The following PCTP variants were observed in gnomAD, a reference collection of about 807,000 sequenced individuals.
PCTP encodes the protein START domain-containing protein 2.
Under a neutral mutation model 31.0 loss-of-function variants are expected in PCTP, and 27 were observed. The ratio of observed to expected loss-of-function variants is 0.87; its 90% CI spans 0.64 to 1.20. The LOEUF is 1.20. Among genes scored for constraint, PCTP ranks in the 50% most tolerant of loss-of-function variants. The pLI is 0.00. For synonymous variants in PCTP, 108 were observed against 101.2 expected (o/e 1.07, Z -0.40); for missense variants, 287 against 268.2 (o/e 1.07, Z -0.49).
chr17:55,791,879 C>T (rs1911996357), intron 3 of PCTP, among the ~76,000 whole-genome samples: 1 of 152,004 alleles, frequency 6.6e-6, no homozygotes, highest in Non-Finnish European at 1.5e-5. Context: ...TGGCATTATT[C>T]ACAATAGCAA....
intron 3 of PCTP, among the ~76,000 whole-genome samples, chr17:55,814,100 C>T (rs149520120): frequency 6.9e-4 from 105 of 151,856 alleles, no homozygotes; most frequent in Non-Finnish European, 1.3e-3. Flanking sequence ...TTCAATGCGT[C>T]GATTACAAAG....
chr17:55,783,478 T>C (rs1042414107), intron 2 of PCTP, among the ~76,000 whole-genome samples: 3 of 152,170 alleles, frequency 2.0e-5, no homozygotes, highest in African/African-American at 4.8e-5. Flanking sequence ...AATTCCTCTC[T>C]AGTGGTTCAT....
intron 5 of PCTP, among the ~76,000 whole-genome samples, chr17:55,830,071 T>G (rs986919662): frequency 6.6e-6 from 1 of 152,190 alleles, no homozygotes; most frequent in African/African-American, 2.4e-5. Flanking sequence ...GATGAGAATT[T>G]GTAATGAGCA....
intron 1 of PCTP, among the ~76,000 whole-genome samples, chr17:55,761,958 G>A (rs766224517): frequency 1.1e-4 from 17 of 152,122 alleles, no homozygotes; most frequent in Non-Finnish European, 2.2e-4. Context: ...GTATTCAAAT[G>A]GATTATTTCA....
chr17:55,842,499 A>G (rs1906015588), intron 5 of PCTP, among the ~76,000 whole-genome samples: 1 of 152,188 alleles, frequency 6.6e-6, no homozygotes, highest in African/African-American at 2.4e-5. Context: ...AGAGACTGCA[A>G]AGAGCCAGGC....
chr17:55,817,765 C>T, intron 3 of PCTP, among the ~76,000 whole-genome samples: 1 of 152,168 alleles, frequency 6.6e-6, no homozygotes, highest in Admixed American at 6.5e-5. Flanking sequence ...AATGTCGCAC[C>T]TTTTAATCTA....
chr17:55,848,164 C>T, the PCTP span, among the ~76,000 whole-genome samples: 106 of 152,240 alleles, frequency 7.0e-4, 2 homozygotes, highest in Middle Eastern at 0.034. Flanking sequence ...ACCTCCTCAG[C>T]CTCCCCAGTT....
intron 2 of PCTP, among the ~76,000 whole-genome samples, chr17:55,785,427 G>C (rs1567720904): frequency 6.6e-6 from 1 of 152,238 alleles, no homozygotes; most frequent in Non-Finnish European, 1.5e-5. Flanking sequence ...TGTGAGACAG[G>C]CTAAGCCAGA....
Position 55,771,252 on chromosome 17 carries a change from T to C in PCTP, c.339+67T>C. 5 of 1,219,938 alleles carry C rather than the reference T, an allele frequency of 4.1e-6. No individual in the cohort carries two copies. The South Asian group carries it at 6.1e-5, about 15-fold the overall frequency. 75.6% of individuals were successfully genotyped at this position (1,219,938 alleles called of 1,614,324 possible). On this transcript the variant is annotated intron_variant, in intron 3 of 5. Coordinates refer to ENST00000268896, the MANE Select transcript of PCTP (RefSeq NM_021213.4). ...GTTTCTGTGTTCCTCAGCTGCAGTC[T>C]ATTGCAGAGAGGTAGAGCTGGTTTC...
intron 1 of PCTP, 41 bp from the exon 2 acceptor site, chr17:55,767,294 T>C: frequency 7.8e-7 from 1 of 1,283,122 alleles, no homozygotes; most frequent in South Asian, 1.3e-5. Context: ...TTCTCTCAAC[T>C]TGGGAACCAA....
chr17:55,848,994 T>C, the PCTP span, among the ~76,000 whole-genome samples: 1 of 152,182 alleles, frequency 6.6e-6, no homozygotes, highest in Non-Finnish European at 1.5e-5. Context: ...CACAATTTAA[T>C]ACAATAAAAT....
chr17:55,842,086 TA>T (rs1906001858), intron 5 of PCTP, among the ~76,000 whole-genome samples: 2 of 152,102 alleles, frequency 1.3e-5, no homozygotes, highest in Non-Finnish European at 2.9e-5. Flanking sequence ...CTTCAATGAA[TA>T]AAAAAAGAAA....
chr17:55,845,857 A>G (rs1156232578), downstream of PCTP, among the ~76,000 whole-genome samples: 1 of 149,462 alleles, frequency 6.7e-6, no homozygotes, highest in Non-Finnish European at 1.5e-5. Context: ...ATGAATTTCA[A>G]ACTTAAGTTG....
chr17:55,795,948 T>C (rs960133003), intron 3 of PCTP, among the ~76,000 whole-genome samples: 3 of 152,042 alleles, frequency 2.0e-5, no homozygotes, highest in Admixed American at 1.3e-4. Flanking sequence ...ATATATGCTC[T>C]ATTAAAGGTT....
At chr17:55,830,998 G>A (rs1057339718) in intron 5 of PCTP, among the ~76,000 whole-genome samples, 2 of 152,134 alleles carry the variant, frequency 1.3e-5, no homozygotes, top group Non-Finnish European at 2.9e-5. Flanking sequence ...GCCAGCTGTC[G>A]GCGCCTTCTC....
At chr17:55,811,558 G>A (rs532647751) in intron 3 of PCTP, among the ~76,000 whole-genome samples, 3 of 152,292 alleles carry the variant, frequency 2.0e-5, no homozygotes, top group African/African-American at 7.2e-5. Context: ...TATTGACGTG[G>A]AATCTGAATA....
intron 1 of PCTP, among the ~76,000 whole-genome samples, chr17:55,758,210 TCTGGCA>T (rs1910149693): frequency 1.3e-5 from 2 of 152,204 alleles, no homozygotes; most frequent in South Asian, 4.1e-4. Context: ...AATCTAAATA[TCTGGCA>T]CTGTGAGAAG....
chr17:55,821,293 A>G (rs961566802), intron 3 of PCTP, among the ~76,000 whole-genome samples: 4 of 152,258 alleles, frequency 2.6e-5, no homozygotes, highest in Non-Finnish European at 5.9e-5. Flanking sequence ...AGGATCATAT[A>G]TCATTTCATG....
the PCTP span, among the ~76,000 whole-genome samples, chr17:55,851,883 T>G: frequency 1.3e-5 from 2 of 152,214 alleles, no homozygotes; most frequent in Admixed American, 1.3e-4. Flanking sequence ...AATCACTGTA[T>G]GTACTATCTT....
Sources: allele counts gnomAD v4.1 joint callset (sites outside exome capture counted in the v4.1 genomes callset), GRCh38; gene constraint gnomAD v4.1.1; transcripts MANE v1.5; gene names NCBI Gene and HGNC (gene_info 2026-07-23, HGNC 2026-07-21).